ELF1: variants seen among roughly 807,000 people sequenced by gnomAD.
The protein encoded by ELF1 is ETS-related transcription factor Elf-1.
ELF1 carries 24 observed loss-of-function variants against 59.9 expected under a neutral mutation model. The observed-to-expected ratio is 0.40, with a 90% CI of 0.29 to 0.56. The LOEUF is 0.56. Ranked by LOEUF, ELF1 falls within the 20% of genes least tolerant of loss-of-function variation. The pLI, the probability that ELF1 is intolerant of heterozygous loss-of-function variation, is 0.44. For synonymous variants in ELF1, 248 were observed against 266.2 expected, an observed-to-expected ratio of 0.93 and a Z score of 0.67; for missense variants, 627 against 742.2, an observed-to-expected ratio of 0.84 and a Z score of 1.80.
At chr13:40,978,554 G>A (rs938848045) in intron 2 of ELF1, among the ~76,000 whole-genome samples, 14 of 151,682 alleles carry the variant, frequency 9.2e-5, no homozygotes, top group Admixed American at 3.3e-4. Flanking sequence ...TTTCTATAGC[G>A]CACAAGATAT....
intron 1 of ELF1, among the ~76,000 whole-genome samples, chr13:41,047,748 C>G (rs1876918492): frequency 6.6e-6 from 1 of 152,236 alleles, no homozygotes; most frequent in African/African-American, 2.4e-5. Flanking sequence ...AGGAGGCAGT[C>G]TGACTGTTCT....
At chr13:40,952,050 C>T (rs1870890111) in intron 3 of ELF1, among the ~76,000 whole-genome samples, 1 of 152,132 alleles carries the variant, frequency 6.6e-6, no homozygotes, top group Admixed American at 6.5e-5. Flanking sequence ...TGATACATTT[C>T]TTAACTTTCT....
At chr13:40,991,989 A>G (rs1416154500) in intron 1 of ELF1, among the ~76,000 whole-genome samples, 1 of 152,230 alleles carries the variant, frequency 6.6e-6, no homozygotes, top group African/African-American at 2.4e-5. Context: ...GAATAGCTAA[A>G]TCAGATGTTT....
chr13:40,943,257 T>A (rs1012602302), intron 6 of ELF1, 113 bp from the exon 7 acceptor site: 2 of 925,876 alleles, frequency 2.2e-6, no homozygotes, highest in Non-Finnish European at 3.0e-6. Context: ...AAATATTACA[T>A]AATTCAGTTA....
intron 2 of ELF1, among the ~76,000 whole-genome samples, chr13:40,973,007 T>C (rs77553977): frequency 0.028 from 4,313 of 152,284 alleles, 295 homozygotes; most frequent in East Asian, 0.24. Context: ...CAGTAGCTCC[T>C]TTCCAACAGA....
chr13:41,033,697 C>T (rs1276070396), intron 1 of ELF1, among the ~76,000 whole-genome samples: 2 of 152,184 alleles, frequency 1.3e-5, no homozygotes, highest in Admixed American at 6.5e-5. Context: ...GAGAATCTAA[C>T]GCCCAATGAT....
intron 1 of ELF1, among the ~76,000 whole-genome samples, chr13:41,011,481 T>C (rs1237792964): frequency 6.6e-6 from 1 of 152,182 alleles, no homozygotes; most frequent in African/African-American, 2.4e-5. Flanking sequence ...TCTTACTTTG[T>C]TGCCCAGGTT....
At chr13:41,055,632 T>C (rs549165995) in intron 1 of ELF1, among the ~76,000 whole-genome samples, 8 of 152,252 alleles carry the variant, frequency 5.3e-5, no homozygotes, top group Non-Finnish European at 1.0e-4. Context: ...CTTACCACAT[T>C]TGTGGAACTA....
At chr13:40,998,481 G>GA (rs1874239017) in intron 1 of ELF1, among the ~76,000 whole-genome samples, 1 of 152,104 alleles carries the variant, frequency 6.6e-6, no homozygotes, top group Non-Finnish European at 1.5e-5. Context: ...TACATTCTGT[G>GA]ATTTTTTGCA....
chr13:41,045,224 G>T (rs1876791486), intron 1 of ELF1, among the ~76,000 whole-genome samples: 2 of 145,602 alleles, frequency 1.4e-5, no homozygotes, highest in African/African-American at 2.6e-5. Context: ...CAATTTTGTT[G>T]ATCTTTAAAA....
chr13:40,941,322 C>T lies in ELF1; in HGVS notation c.855G>A (p.Leu285=). ...TTGGCATTTCTTTAAACTGATACAC[C>T]AAGCGCTGACCTTCCACTTTTGCCA... ...GILAKVEGQR[L]VYQFKEMPKD... is the part of the protein sequence containing the mutation. Residue 285 remains leucine (L), a synonymous_variant, in exon 8 of 9, where the codon TTG becomes TTA. Coordinates refer to ENST00000239882, the MANE Select transcript of ELF1 (RefSeq NM_172373.4). 1.9e-6 allele frequency: 3 copies of T among 1,612,306 alleles called. No individual in the cohort carries two copies. Among genetic ancestry groups the T allele is most frequent in the Non-Finnish European group, 2.5e-6 (3 of 1,179,610 alleles).
intron 2 of ELF1, among the ~76,000 whole-genome samples, chr13:40,962,769 CTG>C (rs1871925908): frequency 6.6e-6 from 1 of 151,808 alleles, no homozygotes; most frequent in South Asian, 2.1e-4. Context: ...AAAAGAAAAA[CTG>C]GGAACCAGGA....
upstream of ELF1, among the ~76,000 whole-genome samples, chr13:41,023,494 G>C (rs1029925999): frequency 6.6e-6 from 1 of 152,176 alleles, no homozygotes; most frequent in African/African-American, 2.4e-5. Context: ...CTGAGATTGA[G>C]TGTTATGAAT....
chr13:40,985,557 A>T (rs1873507325), intron 1 of ELF1, among the ~76,000 whole-genome samples: 1 of 152,228 alleles, frequency 6.6e-6, no homozygotes, highest in South Asian at 2.1e-4. Context: ...GTAAACGCAT[A>T]TGTAAAAAAT....
At chr13:40,972,691 C>G (rs1186685350) in intron 2 of ELF1, among the ~76,000 whole-genome samples, 1 of 152,038 alleles carries the variant, frequency 6.6e-6, no homozygotes, top group African/African-American at 2.4e-5. Flanking sequence ...GGAGGTAATT[C>G]TGTTATTTTT....
chr13:41,051,045 C>T (rs1029557089), intron 1 of ELF1, among the ~76,000 whole-genome samples: 2 of 152,178 alleles, frequency 1.3e-5, no homozygotes, highest in African/African-American at 4.8e-5. Context: ...TTCATATAAA[C>T]TTTATGTGCC....
intron 2 of ELF1, among the ~76,000 whole-genome samples, chr13:40,966,392 G>A (rs976752042): frequency 4.6e-5 from 7 of 152,264 alleles, no homozygotes; most frequent in African/African-American, 1.7e-4. Flanking sequence ...AAACATTTTT[G>A]GAGCAATAAT....
At chr13:41,038,743 G>A (rs972705832) in intron 1 of ELF1, among the ~76,000 whole-genome samples, 22 of 152,078 alleles carry the variant, frequency 1.4e-4, no homozygotes, top group Non-Finnish European at 2.6e-4. Context: ...CTGGCCAGGC[G>A]CAGTGGCTCA....
chr13:40,933,810 C>T lies in ELF1; in HGVS notation c.1475G>A (p.Gly492Asp), dbSNP rs376481585. The part of the protein sequence containing the change: ...ENVMLQSQKA[G>D]SPPSIVLGPA... ...GCCCAAGACAATTGAAGGAGGAGAGCCCGCCTTTTGTGACTGCAGCATGAC... is the reference window on the plus strand; with the variant it reads ...GCCCAAGACAATTGAAGGAGGAGAGTCCGCCTTTTGTGACTGCAGCATGAC... Residue 492 changes from glycine (G) to aspartate (D), a missense_variant, in exon 9 of 9, where the codon GGC (glycine) becomes GAC (aspartate). Physicochemically the swap from Gly to Asp is moderately conservative, Grantham distance 94. This residue lies in a region of ELF1 where 361 missense variants were observed against 396.1 expected (regional missense o/e 0.91). Coordinates refer to ENST00000239882, the MANE Select transcript of ELF1 (RefSeq NM_172373.4). 1 of 1,614,140 alleles carries T rather than the reference C, an allele frequency of 6.2e-7. No homozygotes were observed. The highest frequency in any genetic ancestry group is 1.3e-5 in the African/African-American group (1 of 74,950).
Sources: allele counts gnomAD v4.1 joint callset (sites outside exome capture counted in the v4.1 genomes callset), GRCh38; gene constraint gnomAD v4.1.1; regional missense constraint gnomAD v4.1.1; transcripts MANE v1.5; gene names NCBI Gene and HGNC (gene_info 2026-07-23, HGNC 2026-07-21).